Variants in KNTC1 observed in about 807,000 individuals in gnomAD.
KNTC1 encodes the protein kinetochore-associated protein 1.
Under a neutral mutation model 314.4 loss-of-function variants are expected in KNTC1, and 253 were observed. The observed-to-expected ratio is 0.80, with a 90% CI of 0.73 to 0.89. KNTC1 has a LOEUF of 0.89. Ranked by LOEUF, KNTC1 falls within the 40% of genes least tolerant of loss-of-function variation. The pLI is 0.00. For missense variants in KNTC1, 2,475 were observed against 2,572.9 expected (o/e 0.96, Z 0.82); for synonymous variants, 901 against 901.4 (o/e 1.00, Z 0.01).
chr12:122,570,754 A>AT, intron 22 of KNTC1, 122 bp from the exon 23 acceptor site: 1 of 697,686 alleles, frequency 1.4e-6, no homozygotes, highest in South Asian at 1.9e-5. Flanking sequence ...AAAAAAGACA[A>AT]TCGTGGATAA....
chr12:122,603,948 T>G (rs140540130), intron 48 of KNTC1, among the ~76,000 whole-genome samples: 5 of 152,276 alleles, frequency 3.3e-5, no homozygotes, highest in Non-Finnish European at 7.4e-5. Context: ...ATAGGGTGTA[T>G]TCATAGAACG....
At chr12:122,536,069 A>AT (rs753893106) in intron 3 of KNTC1, among the ~76,000 whole-genome samples, 215 of 118,550 alleles carry the variant, frequency 1.8e-3, no homozygotes, top group East Asian at 4.6e-3. Context: ...AATTTTTTGT[A>AT]TTTTTTTTTT....
chr12:122,567,926 A>C (rs1036767724), intron 20 of KNTC1, among the ~76,000 whole-genome samples: 1 of 152,200 alleles, frequency 6.6e-6, no homozygotes, highest in African/African-American at 2.4e-5. Flanking sequence ...CAGGAATTCA[A>C]GTCCAGCCTG....
Position 122,573,269 on chromosome 12 carries a change from T to G in KNTC1, c.2267T>G (p.Leu756Arg), listed in dbSNP as rs1964813660. The G allele has an allele frequency of 6.2e-7, 1 of 1,613,746 alleles. No homozygotes were observed. The highest frequency in any genetic ancestry group is 1.7e-5 in the Admixed American group (1 of 59,986). The change falls in exon 26 of 64, where the codon CTC becomes CGC. Residue 756 changes from leucine to arginine, a missense_variant. Physicochemically the swap from Leu to Arg is moderately radical, Grantham distance 102. Coordinates refer to ENST00000333479, the MANE Select transcript of KNTC1 (RefSeq NM_014708.6). ...REHDLQEEELLLLYIEDLLNR... is the reference protein window; with the variant it reads ...REHDLQEEELRLLYIEDLLNR... ...CATGACTTGCAAGAGGAGGAACTTC[T>G]CTTGCTGTACATAGAGGTAACTTTT...
At chr12:122,572,012 C>T (rs1344167289) in intron 24 of KNTC1, among the ~76,000 whole-genome samples, 18 of 152,074 alleles carry the variant, frequency 1.2e-4, no homozygotes, top group Non-Finnish European at 2.1e-4. Context: ...CTCTATTCAA[C>T]CAACCAAAAG....
intron 20 of KNTC1, among the ~76,000 whole-genome samples, chr12:122,564,834 A>G (rs368972769): frequency 6.6e-5 from 10 of 152,272 alleles, no homozygotes; most frequent in African/African-American, 2.2e-4. Context: ...CATATCTTCT[A>G]ATTGCTCATT....
At position 122,556,142 on chromosome 12, in the gene KNTC1, G is replaced by A. The variant is rs181268527; in HGVS notation, c.1273-1242G>A. Among the ~76,000 whole-genome samples, 783 of 151,568 alleles carry A rather than the reference G, an allele frequency of 5.2e-3. 5 individuals carry two copies. The highest frequency in any genetic ancestry group is 6.2e-3 in the Non-Finnish European group (420 of 67,902). ...TGTGATTCTCATGCCTCAGCCTCTCGAGTAGCTAGGATTACAGACGCGCAC... is the reference window on the plus strand; with the variant it reads ...TGTGATTCTCATGCCTCAGCCTCTCAAGTAGCTAGGATTACAGACGCGCAC... On this transcript the variant is annotated intron_variant, in intron 16 of 63. Coordinates refer to ENST00000333479, the MANE Select transcript of KNTC1 (RefSeq NM_014708.6).
At chr12:122,535,962 C>T (rs1374967693) in intron 3 of KNTC1, among the ~76,000 whole-genome samples, 1 of 147,446 alleles carries the variant, frequency 6.8e-6, no homozygotes, top group Non-Finnish European at 1.5e-5. Flanking sequence ...GGCACAATCT[C>T]GGCTCACTGC....
At position 122,554,072 on chromosome 12, in the gene KNTC1, A is replaced by ATAT. The variant is rs1214945831; in HGVS notation, c.1272+2376_1272+2377insTAT. On this transcript the variant is annotated intron_variant, in intron 16 of 63. Transcript: ENST00000333479. ...CATACAGAATACTTCCTTAAAAAAA[A>ATAT]AAAAATATATATATATATATATATA... Among the ~76,000 whole-genome samples the ATAT allele has an allele frequency of 4.8e-3, 309 of 63,976 alleles. 2 individuals carry two copies. Among genetic ancestry groups the ATAT allele is most frequent in the South Asian group, 0.011 (17 of 1,606 alleles). The allele number at this position is 63,976 out of a possible 152,430, so 42.0% of individuals were successfully genotyped here.
chr12:122,545,819 T>G (rs7957065), intron 8 of KNTC1, among the ~76,000 whole-genome samples: 6,004 of 151,824 alleles, frequency 0.04, 407 homozygotes, highest in African/African-American at 0.14. Context: ...GGTGTGGTGA[T>G]GCTCACCTGT....
intron 42 of KNTC1, chr12:122,593,905 T>A (rs1365742664): frequency 5.8e-6 from 1 of 171,936 alleles, no homozygotes; most frequent in Non-Finnish European, 1.2e-5. Context: ...AACCCTGTTT[T>A]CTTTACCAAA....
chr12:122,558,372 C>T (rs1266674451), intron 18 of KNTC1, among the ~76,000 whole-genome samples: 1 of 151,790 alleles, frequency 6.6e-6, no homozygotes, highest in Non-Finnish European at 1.5e-5. Flanking sequence ...TATGGTGAGA[C>T]CTCATGTTGT....
Position 122,567,663 on chromosome 12 carries a change from C to T in KNTC1, c.1605-598C>T, listed in dbSNP as rs530565108. Among the ~76,000 whole-genome samples the T allele has an allele frequency of 1.3e-4, 20 of 151,938 alleles. No individual in the cohort carries two copies. The East Asian group carries it at 3.1e-3, about 24-fold the overall frequency. ...AGACCATCTAGCCAACATGGTGAAA[C>T]CCCATCTCTACTAAAAATACAAAAA... On this transcript the variant is annotated intron_variant, in intron 20 of 63. Coordinates refer to ENST00000333479, the MANE Select transcript of KNTC1 (RefSeq NM_014708.6).
chr12:122,544,460 C>T (rs1344761632), intron 8 of KNTC1, among the ~76,000 whole-genome samples, 191 bp downstream of exon 8: 2 of 151,924 alleles, frequency 1.3e-5, no homozygotes, highest in African/African-American at 4.8e-5. Flanking sequence ...CTTTACTTTC[C>T]CTAGTCTTTA....
intron 44 of KNTC1, among the ~76,000 whole-genome samples, chr12:122,600,720 C>G (rs1196107838): frequency 6.6e-6 from 1 of 151,454 alleles, no homozygotes. Context: ...GCCTGGAGAG[C>G]AGTGGCGTGA....
In KNTC1 at chr12:122,603,141, A is replaced by T. The variant is rs773715097; in HGVS notation, c.4999A>T (p.Ile1667Leu). The T allele has an allele frequency of 6.2e-7, 1 of 1,613,852 alleles. No individual in the cohort carries two copies. The change falls in exon 48 of 64, where the codon ATA (isoleucine) becomes TTA (leucine). Residue 1667 changes from isoleucine to leucine, a missense_variant. Coordinates refer to ENST00000333479, the MANE Select transcript of KNTC1 (RefSeq NM_014708.6). The part of the protein sequence containing the change: ...AKSSTLINKE[I>L]TKITQTIESC... Reference sequence around the variant, plus strand: ...ATCCTCAACACTGATTAACAAGGAAATAACTAAGATCACGCAGACCATCGA... The same window carrying T: ...ATCCTCAACACTGATTAACAAGGAATTAACTAAGATCACGCAGACCATCGA...
chr12:122,590,812 C>T, intron 41 of KNTC1, 77 bp downstream of exon 41: 1 of 1,404,658 alleles, frequency 7.1e-7, no homozygotes, highest in Non-Finnish European at 9.7e-7. Flanking sequence ...GGTTTTGCCA[C>T]CTGTTCTTAA....
At chr12:122,611,134 T>C (rs1873072347) in intron 53 of KNTC1, 4 of 499,414 alleles carry the variant, frequency 8.0e-6, no homozygotes, top group South Asian at 7.4e-5. Context: ...ATTGACAGTT[T>C]CCACTGGCTG....
chr12:122,551,664 A>G lies in KNTC1; in HGVS notation c.1240A>G (p.Ser414Gly). 2 of 1,613,722 alleles carry G rather than the reference A, an allele frequency of 1.2e-6. No homozygotes were observed. The highest frequency in any genetic ancestry group is 1.7e-6 in the Non-Finnish European group (2 of 1,179,728). ...CAAACACAGATTTGCTGAAGCTGAG[A>G]GTTTTGCCATTCAGTTTGGACTAGA... Reference protein sequence around the residue: ...LHKHRFAEAESFAIQFGLDVE... With the variant: ...LHKHRFAEAEGFAIQFGLDVE... Residue 414 changes from serine (S) to glycine (G), a missense_variant, in exon 16 of 64, where the codon AGT (serine) becomes GGT (glycine). Physicochemically the swap from Ser to Gly is moderately conservative, Grantham distance 56 (BLOSUM62 0). Coordinates refer to ENST00000333479, the MANE Select transcript of KNTC1 (RefSeq NM_014708.6).
Sources: allele counts gnomAD v4.1 joint callset (sites outside exome capture counted in the v4.1 genomes callset), GRCh38; gene constraint gnomAD v4.1.1; transcripts MANE v1.5; gene names NCBI Gene and HGNC (gene_info 2026-07-23, HGNC 2026-07-21).